Variants in GPC6 observed in about 807,000 individuals in gnomAD.
GPC6 encodes the protein glypican-6.
GPC6 carries 14 observed loss-of-function variants against 55.2 expected under a neutral mutation model. The observed-to-expected ratio is 0.25, with a 90% confidence interval of 0.17 to 0.40. The LOEUF (loss-of-function observed/expected upper bound fraction) is 0.40, where lower values mean the gene tolerates loss of function less well. GPC6 is among the 10% of genes least tolerant of loss of function. The probability of loss-of-function intolerance (pLI) is 1.00; values close to 1 mark genes in which losing one functional copy is unlikely to be tolerated. For missense variants in GPC6, 641 were observed against 708.5 expected (o/e 0.90, Z 1.08); for synonymous variants, 278 against 259.6 (o/e 1.07, Z -0.68).
chr13:94,325,100 C>G (rs1162596654), intron 6 of GPC6, among the ~76,000 whole-genome samples: 1 of 151,528 alleles, frequency 6.6e-6, no homozygotes, highest in Non-Finnish European at 1.5e-5. Context: ...GTCCACAGTA[C>G]TTTCATAAGT....
chr13:93,831,580 T>C (rs138256559), intron 3 of GPC6, among the ~76,000 whole-genome samples: 2,876 of 151,328 alleles, frequency 0.019, 42 homozygotes, highest in South Asian at 0.033. Flanking sequence ...GACACTTTGG[T>C]CTCCTCAATA....
In GPC6 at chr13:93,989,919, C is replaced by CAT. The variant is rs559234269; in HGVS notation, c.712-37799_712-37798dup. Among the ~76,000 whole-genome samples, 21 of 119,310 alleles carry CAT rather than the reference C, an allele frequency of 1.8e-4. 1 individual carries two copies. Among genetic ancestry groups the CAT allele is most frequent in the East Asian group, 7.0e-4 (3 of 4,258 alleles). The allele number at this position is 119,310 out of a possible 152,430, so 78.3% of individuals were successfully genotyped here. ...GTGTGTGTGTATATATATATACACA[C>CAT]ATATATATATATGTATATATATATA... is the stretch of plus-strand genomic sequence containing the variant. On this transcript the variant is annotated intron_variant, in intron 3 of 8. Transcript: ENST00000377047.
chr13:94,328,866 G>A (rs555852781), intron 6 of GPC6, among the ~76,000 whole-genome samples: 156 of 152,276 alleles, frequency 1.0e-3, no homozygotes, highest in African/African-American at 3.6e-3. Context: ...CCAAGCCTTC[G>A]TTTGCTCATC....
intron 1 of GPC6, among the ~76,000 whole-genome samples, chr13:93,372,585 A>G (rs143998529): frequency 9.2e-4 from 140 of 152,266 alleles, no homozygotes; most frequent in African/African-American, 3.1e-3. Context: ...TGTATATTCT[A>G]TTACTTTATT....
chr13:93,544,915 A>G lies in GPC6; in HGVS notation c.161-348A>G, dbSNP rs77170782. Among the ~76,000 whole-genome samples the G allele has an allele frequency of 2.1e-3, 325 of 152,266 alleles. 7 individuals carry two copies. In the East Asian group the frequency reaches 0.057, roughly 27 times the overall value. On this transcript the variant is annotated intron_variant, in intron 1 of 8. Transcript: ENST00000377047. ...TTTGCCTTACTTGAGGTTTCCCGAGAAAAGCATACATAGCTGTATTACATC... is the reference window on the plus strand; with the variant it reads ...TTTGCCTTACTTGAGGTTTCCCGAGGAAAGCATACATAGCTGTATTACATC...
At chr13:93,815,220 C>T (rs945877516) in intron 2 of GPC6, among the ~76,000 whole-genome samples, 9 of 151,880 alleles carry the variant, frequency 5.9e-5, no homozygotes, top group African/African-American at 2.2e-4. Context: ...CTAATAACAA[C>T]AAAAAATATA....
intron 6 of GPC6, among the ~76,000 whole-genome samples, chr13:94,321,079 T>C (rs1876800096): frequency 6.6e-6 from 1 of 152,212 alleles, no homozygotes; most frequent in Admixed American, 6.5e-5. Context: ...CTCGCCCCCA[T>C]CAAGTAGACC....
At chr13:93,266,336 A>G (rs1278560483) in intron 1 of GPC6, among the ~76,000 whole-genome samples, 1 of 152,202 alleles carries the variant, frequency 6.6e-6, no homozygotes, top group Non-Finnish European at 1.5e-5. Context: ...CACTAACAGC[A>G]TGATTTGCTA....
chr13:93,895,215 T>TGTAC (rs1875923281), intron 3 of GPC6, among the ~76,000 whole-genome samples: 1 of 72,322 alleles, frequency 1.4e-5, no homozygotes, highest in Non-Finnish European at 2.7e-5. Flanking sequence ...TGTGTGTGTG[T>TGTAC]GTATGTATGT....
upstream of GPC6, among the ~76,000 whole-genome samples, chr13:93,223,018 A>G (rs945015642): frequency 4.1e-5 from 2 of 48,286 alleles, no homozygotes; most frequent in African/African-American, 7.2e-5. Flanking sequence ...CAGGGAAAAC[A>G]CTTTTTTTTT....
intron 3 of GPC6, among the ~76,000 whole-genome samples, chr13:93,873,817 C>A (rs1219251444): frequency 6.6e-6 from 1 of 151,964 alleles, no homozygotes; most frequent in Non-Finnish European, 1.5e-5. Context: ...GCCTCACTAT[C>A]CATGAAGTGT....
chr13:94,236,405 T>C (rs1890877026), intron 4 of GPC6, among the ~76,000 whole-genome samples: 1 of 152,178 alleles, frequency 6.6e-6, no homozygotes, highest in African/African-American at 2.4e-5. Context: ...TATTCAGCTA[T>C]TGCTTTGGAC....
intron 1 of GPC6, among the ~76,000 whole-genome samples, chr13:93,289,561 T>C (rs1321175863): frequency 6.6e-6 from 1 of 152,182 alleles, no homozygotes; most frequent in African/African-American, 2.4e-5. Flanking sequence ...CCGAAATTAC[T>C]AACATAAATA....
intron 4 of GPC6, among the ~76,000 whole-genome samples, chr13:94,161,510 T>A (rs907695217): frequency 6.6e-6 from 1 of 152,222 alleles, no homozygotes; most frequent in African/African-American, 2.4e-5. Context: ...TTAACAAGAC[T>A]TGGTATTCTC....
chr13:93,782,560 A>G lies in GPC6; in HGVS notation c.320-47594A>G, dbSNP rs1885686518. 2.0e-5 allele frequency among the ~76,000 whole-genome samples: 3 copies of G among 152,294 alleles called. No individual in the cohort carries two copies. The South Asian group carries it at 6.2e-4, about 32-fold the overall frequency. Reference sequence around the variant, plus strand: ...TTTACATTCCCACCCAACATGTATAAGAATTCCTTTTTCTCCACATTTTTA... The same window carrying G: ...TTTACATTCCCACCCAACATGTATAGGAATTCCTTTTTCTCCACATTTTTA... On this transcript the variant is annotated intron_variant, in intron 2 of 8. Coordinates refer to ENST00000377047, the MANE Select transcript of GPC6 (RefSeq NM_005708.5).
intron 2 of GPC6, among the ~76,000 whole-genome samples, chr13:93,565,325 G>A (rs573521379): frequency 7.9e-5 from 12 of 152,304 alleles, no homozygotes; most frequent in East Asian, 1.9e-4. Flanking sequence ...AATGAAAAGC[G>A]TGCAAGGAAA....
intron 2 of GPC6, among the ~76,000 whole-genome samples, chr13:93,553,694 C>CAAAAAAAA (rs34521652): frequency 1.8e-5 from 1 of 56,664 alleles, no homozygotes; most frequent in South Asian, 7.0e-4. Context: ...GACTCCATCT[C>CAAAAAAAA]AAAAAAAAAA....
Position 94,407,585 on chromosome 13 carries a change from T to G in GPC6, c.*4368T>G, listed in dbSNP as rs1209160926. On this transcript the variant is annotated 3_prime_UTR_variant, in exon 9 of 9. Coordinates refer to ENST00000377047, the MANE Select transcript of GPC6 (RefSeq NM_005708.5). Reference sequence around the variant, plus strand: ...TCTGAAATCAGGAACTATTTGAACTTTAGAACATTTAGAGCTTCCCAAATG... The same window carrying G: ...TCTGAAATCAGGAACTATTTGAACTGTAGAACATTTAGAGCTTCCCAAATG... Among the ~76,000 whole-genome samples, 1 of 152,144 alleles carries G rather than the reference T, an allele frequency of 6.6e-6. No individual in the cohort carries two copies. The highest frequency in any genetic ancestry group is 1.5e-5 in the Non-Finnish European group (1 of 67,994).
chr13:93,243,978 C>G (rs1372878596), intron 1 of GPC6, among the ~76,000 whole-genome samples: 1 of 151,934 alleles, frequency 6.6e-6, no homozygotes, highest in Non-Finnish European at 1.5e-5. Context: ...TCCTAAAAGG[C>G]CCTGTCTGTG....
Sources: allele counts gnomAD v4.1 joint callset (sites outside exome capture counted in the v4.1 genomes callset), GRCh38; gene constraint gnomAD v4.1.1; transcripts MANE v1.5; gene names NCBI Gene and HGNC (gene_info 2026-07-23, HGNC 2026-07-21).